The following ACYP2 variants were observed in gnomAD, a reference collection of about 807,000 sequenced individuals.
The protein encoded by ACYP2 is acylphosphatase 2.
In ACYP2, 12 loss-of-function variants were observed where a neutral mutation model predicts 11.2. That is an observed-to-expected ratio of 1.08 (90% CI 0.69 to 1.74). The LOEUF is 1.74. Among genes scored for constraint, ACYP2 ranks in the 40% most tolerant of loss-of-function variants. ACYP2 has a pLI of 0.00. For missense variants in ACYP2, 134 were observed against 101.9 expected (o/e 1.31, Z -1.35); for synonymous variants, 43 against 32.2 (o/e 1.33, Z -1.13).
intron 6 of ACYP2, among the ~76,000 whole-genome samples, chr2:54,266,145 A>G (rs1353351025): frequency 6.6e-6 from 1 of 152,234 alleles, no homozygotes; most frequent in East Asian, 1.9e-4. Flanking sequence ...CCTTCAAAAT[A>G]ACAATAATGG....
At chr2:54,169,860 T>C (rs533498963) in intron 6 of ACYP2, among the ~76,000 whole-genome samples, 2 of 152,276 alleles carry the variant, frequency 1.3e-5, no homozygotes. Context: ...TCCTCAACAA[T>C]AGTTTTAGCG....
In ACYP2 at chr2:54,136,528, A is replaced by G. The variant is rs190671516; in HGVS notation, c.294+1059A>G. Among the ~76,000 whole-genome samples the G allele has an allele frequency of 2.7e-4, 41 of 152,178 alleles. No homozygotes were observed. In the East Asian group the frequency reaches 7.9e-3, roughly 29 times the overall value. On this transcript the variant is annotated intron_variant, in intron 5 of 6. Coordinates refer to ENST00000607452, the MANE Select transcript of ACYP2 (RefSeq NM_001320586.2). ...AATTCAGATTGTCTCCATTTTCGTT[A>G]TTATCTAATAAGAAAGTGACTTATT...
chr2:54,150,331 A>G (rs995435407), intron 6 of ACYP2, among the ~76,000 whole-genome samples: 1 of 152,212 alleles, frequency 6.6e-6, no homozygotes, highest in Non-Finnish European at 1.5e-5. Context: ...AGACAAGCCG[A>G]GGGTGTTGTA....
chr2:54,300,320 T>C (rs1389651513), intron 6 of ACYP2, among the ~76,000 whole-genome samples: 1 of 152,228 alleles, frequency 6.6e-6, no homozygotes, highest in Non-Finnish European at 1.5e-5. Context: ...CCTTTCAAGA[T>C]TGAAGGATTC....
At chr2:54,301,126 T>A (rs1689708575) in intron 6 of ACYP2, among the ~76,000 whole-genome samples, 1 of 152,208 alleles carries the variant, frequency 6.6e-6, no homozygotes. Context: ...AAGTTGCAAA[T>A]AAGTTGTTTC....
At chr2:54,032,559 T>C (rs1264701291) in intron 2 of ACYP2, among the ~76,000 whole-genome samples, 1 of 152,250 alleles carries the variant, frequency 6.6e-6, no homozygotes, top group Non-Finnish European at 1.5e-5. Context: ...TCAGATAGCC[T>C]GATGCCTCCA....
chr2:54,001,465 C>G (rs931772634), intron 2 of ACYP2, among the ~76,000 whole-genome samples: 4 of 152,182 alleles, frequency 2.6e-5, no homozygotes, highest in African/African-American at 9.6e-5. Flanking sequence ...GTGATCTCAG[C>G]TCTCTGCAAC....
At chr2:53,999,386 G>C (rs1451611887) in intron 2 of ACYP2, among the ~76,000 whole-genome samples, 1 of 152,188 alleles carries the variant, frequency 6.6e-6, no homozygotes, top group Admixed American at 6.5e-5. Context: ...TGCCCAGGAA[G>C]GAAGGAGTCC....
At chr2:54,200,726 T>C (rs1434821006) in intron 6 of ACYP2, among the ~76,000 whole-genome samples, 2 of 152,250 alleles carry the variant, frequency 1.3e-5, no homozygotes, top group Non-Finnish European at 2.9e-5. Context: ...TTCATGAACA[T>C]ACTTTTGTGT....
intron 2 of ACYP2, among the ~76,000 whole-genome samples, chr2:54,048,740 G>A (rs1220515893): frequency 1.3e-5 from 2 of 152,222 alleles, no homozygotes. Context: ...TATCTTCAGT[G>A]CCTAAATGTG....
chr2:54,047,423 T>C (rs1236954549), intron 2 of ACYP2, among the ~76,000 whole-genome samples: 9 of 152,258 alleles, frequency 5.9e-5, no homozygotes, highest in Non-Finnish European at 1.0e-4. Context: ...AAAATACTTC[T>C]GCTGCGTGGC....
At chr2:53,984,107 C>G (rs1459252612) in intron 2 of ACYP2, among the ~76,000 whole-genome samples, 1 of 151,994 alleles carries the variant, frequency 6.6e-6, no homozygotes, top group African/African-American at 2.4e-5. Flanking sequence ...ACAAAGGTAC[C>G]CAGCACATTG....
intron 4 of ACYP2, chr2:54,085,091 T>A (rs1344435758): frequency 6.6e-6 from 1 of 152,216 alleles, no homozygotes; most frequent in African/African-American, 2.4e-5. Flanking sequence ...CAACGTCGTT[T>A]TGTTCAGTGT....
intron 6 of ACYP2, among the ~76,000 whole-genome samples, chr2:54,185,894 T>A (rs1444883336): frequency 1.3e-5 from 2 of 151,986 alleles, no homozygotes; most frequent in African/African-American, 4.8e-5. Context: ...TAAAACATTA[T>A]ATGCCAAGGA....
intron 4 of ACYP2, among the ~76,000 whole-genome samples, chr2:54,075,897 G>C (rs1281863177): frequency 6.6e-6 from 1 of 151,940 alleles, no homozygotes; most frequent in African/African-American, 2.4e-5. Context: ...ATAACTAAAG[G>C]TTATAAAATA....
intron 6 of ACYP2, among the ~76,000 whole-genome samples, chr2:54,149,728 GTA>G (rs1022496686): frequency 6.6e-6 from 1 of 152,050 alleles, no homozygotes; most frequent in African/African-American, 2.4e-5. Context: ...TTTTTAAACC[GTA>G]TGTTATGTAT....
In ACYP2 at chr2:53,991,110, C is replaced by G. The variant is rs113326561; in HGVS notation, c.62+17300C>G. On this transcript the variant is annotated intron_variant, in intron 2 of 6. Transcript: ENST00000607452. ...CGTGCCCTGTCGAGAATTTGTGTTT[C>G]TAACAAGCTTCCAGGTGATGCTGCT... Among the ~76,000 whole-genome samples, 1,139 of 152,208 alleles carry G rather than the reference C, an allele frequency of 7.5e-3. 25 individuals are homozygous for G. The highest frequency in any genetic ancestry group is 0.026 in the African/African-American group (1,085 of 41,548).
intron 4 of ACYP2, among the ~76,000 whole-genome samples, chr2:54,092,215 G>C (rs1278564418): frequency 6.6e-6 from 1 of 152,180 alleles, no homozygotes; most frequent in Non-Finnish European, 1.5e-5. Context: ...CAATGGAATA[G>C]AGCTGTCTTA....
At chr2:54,138,795 T>C in intron 6 of ACYP2, 47 bp downstream of exon 3, 2 of 1,522,502 alleles carry the variant, frequency 1.3e-6, no homozygotes. Flanking sequence ...ATGAGGCTGC[T>C]GTTTTTTAGT....
Sources: allele counts gnomAD v4.1 joint callset (sites outside exome capture counted in the v4.1 genomes callset), GRCh38; gene constraint gnomAD v4.1.1; transcripts MANE v1.5; gene names NCBI Gene and HGNC (gene_info 2026-07-23, HGNC 2026-07-21).